Variants in COL12A1 observed in about 807,000 individuals in gnomAD.
COL12A1 encodes collagen alpha-1(XII) chain.
In COL12A1, 114 loss-of-function variants were observed where a neutral mutation model predicts 349.7. The observed-to-expected ratio is 0.33, with a 90% CI of 0.28 to 0.38. The LOEUF (loss-of-function observed/expected upper bound fraction) is 0.38, where lower values mean the gene tolerates loss of function less well. Among genes scored for constraint, COL12A1 ranks in the 10% least tolerant of loss-of-function variants. The pLI is 1.00. For synonymous variants in COL12A1, 1,369 were observed against 1,329.0 expected (o/e 1.03, Z -0.66); for missense variants, 3,284 against 3,756.9 (o/e 0.87, Z 3.29).
chr6:75,092,709 A>C (rs1767833737), intron 60 of COL12A1, among the ~76,000 whole-genome samples: 1 of 151,136 alleles, frequency 6.6e-6, no homozygotes. Flanking sequence ...TATTCTCCAC[A>C]CAAAAACCAG....
intron 55 of COL12A1, 98 bp downstream of exon 55, chr6:75,103,659 C>A: frequency 1.1e-6 from 1 of 937,792 alleles, no homozygotes; most frequent in Non-Finnish European, 1.7e-6. Flanking sequence ...TGAACCTGAG[C>A]TGACTTGCTC....
At chr6:75,101,744 TC>T in intron 57 of COL12A1, 91 bp from the exon 58 acceptor site, 1 of 1,392,778 alleles carries the variant, frequency 7.2e-7, no homozygotes, top group South Asian at 1.3e-5. Context: ...TTTTTTTAAT[TC>T]CAGAGACTCT....
chr6:75,102,654 G>A lies in COL12A1; in HGVS notation c.8358C>T (p.Gly2786=), dbSNP rs767957084. 1.9e-6 allele frequency: 3 copies of A among 1,572,932 alleles called. No homozygotes were observed. Among genetic ancestry groups the A allele is most frequent in the East Asian group, 2.4e-5 (1 of 41,924 alleles). ...CCTGAGGGCCTGGAGGACCCTGGGG[G>A]CCTGGAGGACCTATGTCTCCACGAG... ...PGPRGDIGPP[G]PQGPPGPQGP... Residue 2786 remains glycine, a synonymous_variant, in exon 56 of 66, where the codon GGC becomes GGT. Coordinates refer to ENST00000322507, the MANE Select transcript of COL12A1 (RefSeq NM_004370.6).
chr6:75,175,562 A>G (rs1488852243), intron 12 of COL12A1, among the ~76,000 whole-genome samples: 1 of 152,194 alleles, frequency 6.6e-6, no homozygotes, highest in East Asian at 1.9e-4. Context: ...TTCCATGTAA[A>G]ATCTTTCATG....
At chr6:75,193,805 CTA>C (rs1389911924) in intron 3 of COL12A1, among the ~76,000 whole-genome samples, 2 of 151,906 alleles carry the variant, frequency 1.3e-5, no homozygotes, top group East Asian at 3.9e-4. Context: ...CAATTCCCAC[CTA>C]TGAGTGAGAA....
chr6:75,101,884 G>A, intron 57 of COL12A1, 115 bp downstream of exon 57: 3 of 1,189,186 alleles, frequency 2.5e-6, no homozygotes, highest in Non-Finnish European at 3.7e-6. Flanking sequence ...TGGAAATGAG[G>A]TGAAACACAT....
rs953982457 is a variant in COL12A1, at chr6:75,090,270, C to T, written c.8781G>A (p.Leu2927=). The T allele has an allele frequency of 1.2e-6, 2 of 1,612,964 alleles. No individual in the cohort carries two copies. The highest frequency in any genetic ancestry group is 2.2e-5 in the East Asian group (1 of 44,802). ...ACTGGTAATCATTTGGAATCTGATT[C>T]AGCATCTGATTGAATCTGTTCATCT... is the stretch of plus-strand genomic sequence containing the variant. ...SGQMNRFNQM[L]NQIPNDYQSS... Residue 2927 remains leucine, a synonymous_variant, in exon 63 of 66, where the codon CTG becomes CTA. Transcript: ENST00000322507. This position sits in a 1 kb window ranked among gnomAD's most constrained non-coding sequence, Gnocchi z 4.1.
intron 37 of COL12A1, 66 bp from the exon 38 acceptor site, chr6:75,128,491 T>C (rs566289966): frequency 1.0e-5 from 14 of 1,354,826 alleles, no homozygotes; most frequent in East Asian, 2.6e-5. Flanking sequence ...AAGACAGTAT[T>C]GTTTTATGTA....
chr6:75,131,490 C>T (rs1233949976), intron 35 of COL12A1, among the ~76,000 whole-genome samples: 1 of 152,158 alleles, frequency 6.6e-6, no homozygotes, highest in Non-Finnish European at 1.5e-5. Context: ...TTTGCAAAGA[C>T]TATAAGTCAA....
chr6:75,159,461 T>C (rs1379026884), intron 14 of COL12A1, among the ~76,000 whole-genome samples: 2 of 147,880 alleles, frequency 1.4e-5, no homozygotes, highest in South Asian at 2.1e-4. Context: ...TATATAAACA[T>C]ATATATGTAT....
chr6:75,178,552 C>G (rs1006141830), intron 11 of COL12A1, among the ~76,000 whole-genome samples: 5 of 152,322 alleles, frequency 3.3e-5, no homozygotes, highest in Middle Eastern at 3.4e-3. Flanking sequence ...CCCACAGACT[C>G]ATAATTTTAA....
chr6:75,188,346 TAC>T lies in COL12A1; in HGVS notation c.997+14_997+15del. On this transcript the variant is annotated intron_variant, in intron 8 of 65. Transcript: ENST00000322507. Reference sequence around the variant, plus strand: ...GAAAAGACTAACACATGGGGAATGCTACACAGTCTACTCACCTTCTTCTCCAC... The same window carrying T: ...GAAAAGACTAACACATGGGGAATGCTACAGTCTACTCACCTTCTTCTCCAC... The T allele has an allele frequency of 6.2e-7, 1 of 1,608,490 alleles. No homozygotes were observed. Among genetic ancestry groups the T allele is most frequent in the Non-Finnish European group, 8.5e-7 (1 of 1,177,824 alleles).
chr6:75,204,564 C>G (rs1425590655), intron 1 of COL12A1, among the ~76,000 whole-genome samples: 3 of 152,180 alleles, frequency 2.0e-5, no homozygotes, highest in African/African-American at 7.2e-5. Context: ...GAATGCTTAG[C>G]AACACTTCAT....
chr6:75,096,790 G>T (rs2149336412), intron 59 of COL12A1, among the ~76,000 whole-genome samples: 1 of 151,240 alleles, frequency 6.6e-6, no homozygotes, highest in Non-Finnish European at 1.5e-5. Flanking sequence ...CAGCTACTCG[G>T]GAGGCTGAGG....
chr6:75,101,354 T>C (rs183457600), intron 58 of COL12A1, among the ~76,000 whole-genome samples: 7 of 152,366 alleles, frequency 4.6e-5, no homozygotes, highest in Admixed American at 4.6e-4. Context: ...TTTATGAATA[T>C]GATATGGTAA....
chr6:75,119,152 C>T lies in COL12A1; in HGVS notation c.7245G>A (p.Leu2415=). The change falls in exon 46 of 66, where the codon TTG becomes TTA. Residue 2415 remains leucine (L), a synonymous_variant. Coordinates refer to ENST00000322507, the MANE Select transcript of COL12A1 (RefSeq NM_004370.6). ...TCTTCCTCATGCCGCTCTCCCAAGT[C>T]AAGACTTTCTCCTTGATAAACGTGA... ...KALTFIKEKV[L]TWESGMRKNV... 3 of 1,613,934 alleles carry T rather than the reference C, an allele frequency of 1.9e-6. No individual in the cohort carries two copies. The highest frequency in any genetic ancestry group is 2.5e-6 in the Non-Finnish European group (3 of 1,179,910).
At chr6:75,116,708 T>G (rs1769099223) in intron 47 of COL12A1, among the ~76,000 whole-genome samples, 1 of 152,066 alleles carries the variant, frequency 6.6e-6, no homozygotes, top group South Asian at 2.1e-4. Flanking sequence ...TGGAGGGGAA[T>G]ATTATATTTG....
chr6:75,179,025 T>C (rs543795419), intron 11 of COL12A1, among the ~76,000 whole-genome samples: 1 of 152,258 alleles, frequency 6.6e-6, no homozygotes, highest in South Asian at 2.1e-4. Context: ...GAGCCACAGA[T>C]TACCCTAGCA....
chr6:75,161,352 G>A (rs939010884), intron 14 of COL12A1, among the ~76,000 whole-genome samples: 2 of 151,962 alleles, frequency 1.3e-5, no homozygotes, highest in Admixed American at 1.3e-4. Flanking sequence ...TTATTATACT[G>A]TATTTTACTA....
Sources: allele counts gnomAD v4.1 joint callset (sites outside exome capture counted in the v4.1 genomes callset), GRCh38; gene constraint gnomAD v4.1.1; non-coding constraint Gnocchi (gnomAD v3.1); transcripts MANE v1.5; gene names NCBI Gene and HGNC (gene_info 2026-07-23, HGNC 2026-07-21).